Variants in ARHGAP17 observed in about 807,000 individuals in gnomAD.
ARHGAP17 encodes the protein Rho GTPase activating protein 17, also known as rho GTPase-activating protein 17.
In ARHGAP17, 57 loss-of-function variants were observed where a neutral mutation model predicts 99.5. The ratio of observed to expected loss-of-function variants is 0.57; its 90% CI spans 0.46 to 0.71. The LOEUF (loss-of-function observed/expected upper bound fraction) is 0.71. Ranked by LOEUF, ARHGAP17 falls within the 30% of genes least tolerant of loss-of-function variation. The probability of loss-of-function intolerance (pLI) is 0.00; values close to 1 mark genes in which losing one functional copy is unlikely to be tolerated. For missense variants in ARHGAP17, 1,000 were observed against 1,122.4 expected, an observed-to-expected ratio of 0.89 and a Z score of 1.56; for synonymous variants, 417 against 429.6, an observed-to-expected ratio of 0.97 and a Z score of 0.36.
chr16:24,985,001 C>T lies in ARHGAP17; in HGVS notation c.54-5996G>A, dbSNP rs1233090364. On this transcript the variant is annotated intron_variant, in intron 1 of 19. Transcript: ENST00000289968. ...TCCCATATCCCAAAGGGTACTGTTA[C>T]GAATTTGTTATATATCCTTCCCAAT... is the stretch of plus-strand genomic sequence containing the variant. 3.9e-5 allele frequency among the ~76,000 whole-genome samples: 6 copies of T among 152,030 alleles called. No individual in the cohort carries two copies. The East Asian group carries it at 7.7e-4, about 20-fold the overall frequency.
At chr16:24,944,656 G>A (rs746729624) in intron 14 of ARHGAP17, among the ~76,000 whole-genome samples, 41 of 151,170 alleles carry the variant, frequency 2.7e-4, no homozygotes, top group South Asian at 1.0e-3. Flanking sequence ...TCGCTCTATC[G>A]CCCAGGCTGG....
chr16:24,941,828 T>C, intron 16 of ARHGAP17, 159 bp downstream of exon 16: 1 of 922,864 alleles, frequency 1.1e-6, no homozygotes, highest in Non-Finnish European at 1.7e-6. Context: ...GATTAGTGCT[T>C]GGAATGACCT....
chr16:24,935,398 C>T, intron 18 of ARHGAP17, 72 bp downstream of exon 18: 2 of 1,473,108 alleles, frequency 1.4e-6, no homozygotes, highest in Non-Finnish European at 1.8e-6. Flanking sequence ...ACCTCACCAT[C>T]TGAATCCTTG....
intron 12 of ARHGAP17, among the ~76,000 whole-genome samples, chr16:24,951,758 C>T (rs1040221405): frequency 6.6e-6 from 1 of 152,166 alleles, no homozygotes; most frequent in Admixed American, 6.5e-5. Flanking sequence ...ATACAACATA[C>T]AAAATATGTG....
intron 7 of ARHGAP17, among the ~76,000 whole-genome samples, chr16:24,961,530 T>A (rs867150155): frequency 0.09 from 11,722 of 130,698 alleles, 720 homozygotes; most frequent in Middle Eastern, 0.18. Flanking sequence ...TTTTTTTTTT[T>A]TTTTTTTTTT....
At chr16:24,943,650 A>G in intron 15 of ARHGAP17, 121 bp downstream of exon 15, 2 of 810,704 alleles carry the variant, frequency 2.5e-6, no homozygotes, top group East Asian at 2.6e-5. Flanking sequence ...GGAAAGAAAC[A>G]TGAAAAAGTG....
intron 1 of ARHGAP17, among the ~76,000 whole-genome samples, chr16:25,000,678 T>C (rs56278661): frequency 6.6e-6 from 1 of 152,174 alleles, no homozygotes; most frequent in African/African-American, 2.4e-5. Context: ...CCTTGTGACC[T>C]GCTAACCACC....
At position 24,931,043 on chromosome 16, in the gene ARHGAP17, G is replaced by C. The variant is rs569039543; in HGVS notation, c.2256C>G (p.His752Gln). 15 of 1,609,350 alleles carry C rather than the reference G, an allele frequency of 9.3e-6. No individual in the cohort carries two copies. Among genetic ancestry groups the C allele is most frequent in the Admixed American group, 3.4e-5 (2 of 59,676 alleles). ...GGGGCGTTGGAGTCTGGGGAGGGGTGTGAGATGGCTGCTCAAGTCCATGCT... is the reference window on the plus strand; with the variant it reads ...GGGGCGTTGGAGTCTGGGGAGGGGTCTGAGATGGCTGCTCAAGTCCATGCT... ...PSEHGLEQPS[H>Q]TPPQTPTPPS... is the part of the protein sequence containing the mutation. Residue 752 changes from histidine to glutamine, a missense_variant, in exon 19 of 20, where the codon CAC becomes CAG. Around this residue, in one of 2 missense-constraint regions of ARHGAP17, gnomAD observed 528 missense variants for 511.4 expected, o/e 1.03. Transcript: ENST00000289968.
At chr16:24,987,884 C>T (rs2052921900) in intron 1 of ARHGAP17, among the ~76,000 whole-genome samples, 1 of 152,224 alleles carries the variant, frequency 6.6e-6, no homozygotes, top group Non-Finnish European at 1.5e-5. Flanking sequence ...AGAAATAAGA[C>T]AGACTGTGAC....
intron 19 of ARHGAP17, among the ~76,000 whole-genome samples, chr16:24,927,173 AG>A: frequency 6.6e-6 from 1 of 152,188 alleles, no homozygotes; most frequent in East Asian, 1.9e-4. Flanking sequence ...CAGGAGGCTG[AG>A]GCAGGAGAAT....
intron 19 of ARHGAP17, among the ~76,000 whole-genome samples, chr16:24,921,158 A>G (rs1190392668): frequency 6.6e-6 from 1 of 152,222 alleles, no homozygotes; most frequent in East Asian, 1.9e-4. Flanking sequence ...CTGAGGACGC[A>G]GCACTGAACA....
chr16:24,975,834 C>T (rs1211884112), intron 3 of ARHGAP17, among the ~76,000 whole-genome samples: 6 of 152,174 alleles, frequency 3.9e-5, no homozygotes, highest in African/African-American at 1.4e-4. Context: ...GGATGGAACT[C>T]CCTCATGAAC....
intron 19 of ARHGAP17, among the ~76,000 whole-genome samples, chr16:24,930,087 G>A (rs914310026): frequency 2.0e-5 from 3 of 152,096 alleles, no homozygotes; most frequent in Non-Finnish European, 4.4e-5. Flanking sequence ...AAATAAAATG[G>A]TCATGTTCTA....
intron 6 of ARHGAP17, among the ~76,000 whole-genome samples, chr16:24,966,515 C>T (rs2141298253): frequency 1.3e-5 from 2 of 152,196 alleles, no homozygotes; most frequent in South Asian, 2.1e-4. Context: ...TGCTTGTAAT[C>T]CCAACTATTA....
intron 17 of ARHGAP17, among the ~76,000 whole-genome samples, chr16:24,937,626 T>G (rs1381134805): frequency 6.6e-6 from 1 of 152,184 alleles, no homozygotes; most frequent in African/African-American, 2.4e-5. Context: ...GTCTTAATTT[T>G]TTTTAACCCC....
intron 10 of ARHGAP17, among the ~76,000 whole-genome samples, chr16:24,953,880 G>A (rs1264011095): frequency 1.3e-5 from 2 of 152,196 alleles, no homozygotes; most frequent in African/African-American, 4.8e-5. Flanking sequence ...TGTTAGAAGG[G>A]GAGTGGCTGG....
intron 1 of ARHGAP17, among the ~76,000 whole-genome samples, chr16:24,986,716 G>C (rs551328911): frequency 1.3e-5 from 2 of 152,318 alleles, no homozygotes; most frequent in South Asian, 4.1e-4. Context: ...GCCAACCCCA[G>C]GTCTCTATTA....
chr16:24,994,834 C>T (rs779790379), intron 1 of ARHGAP17, among the ~76,000 whole-genome samples: 1 of 152,176 alleles, frequency 6.6e-6, no homozygotes, highest in Non-Finnish European at 1.5e-5. Flanking sequence ...CCACCTAATC[C>T]TCAAGACAAC....
chr16:24,992,476 C>T (rs1370783078), intron 1 of ARHGAP17, among the ~76,000 whole-genome samples: 3 of 152,140 alleles, frequency 2.0e-5, no homozygotes, highest in South Asian at 4.1e-4. Flanking sequence ...GCTGGGACTA[C>T]AGGCGCACGC....
Sources: allele counts gnomAD v4.1 joint callset (sites outside exome capture counted in the v4.1 genomes callset), GRCh38; gene constraint gnomAD v4.1.1; regional missense constraint gnomAD v4.1.1; transcripts MANE v1.5; gene names NCBI Gene and HGNC (gene_info 2026-07-23, HGNC 2026-07-21).